The following CNOT2 variants were observed in gnomAD, a reference collection of about 807,000 sequenced individuals.
CNOT2 encodes the protein CC chemokine receptor 4-negative regulator of transcription 2.
In CNOT2, 7 loss-of-function variants were observed where a neutral mutation model predicts 72.1. The ratio of observed to expected loss-of-function variants is 0.10; its 90% confidence interval spans 0.06 to 0.18. The LOEUF (loss-of-function observed/expected upper bound fraction) is 0.18. CNOT2 is among the 10% of genes least tolerant of loss of function. CNOT2 has a pLI of 1.00. For synonymous variants in CNOT2, 196 were observed against 225.6 expected (o/e 0.87, Z 1.17); for missense variants, 345 against 660.3 (o/e 0.52, Z 5.23).
chr12:70,258,043 T>G (rs1958546240), intron 1 of CNOT2, among the ~76,000 whole-genome samples: 1 of 152,184 alleles, frequency 6.6e-6, no homozygotes, highest in African/African-American at 2.4e-5. Flanking sequence ...AAACTTGTAT[T>G]TTTTGGCTTT....
chr12:70,316,356 T>A (rs1157760422), intron 3 of CNOT2, among the ~76,000 whole-genome samples: 4 of 152,210 alleles, frequency 2.6e-5, no homozygotes, highest in Non-Finnish European at 5.9e-5. Flanking sequence ...ATATTTCTTG[T>A]GCATTTTCTA....
chr12:70,338,876 G>T (rs1881061695), intron 11 of CNOT2, 54 bp downstream of exon 11: 1 of 1,427,034 alleles, frequency 7.0e-7, no homozygotes. Flanking sequence ...CAGACTTCCA[G>T]TTTTTAATAT....
chr12:70,255,073 A>C (rs12299412), intron 1 of CNOT2, among the ~76,000 whole-genome samples: 2,029 of 152,148 alleles, frequency 0.013, 45 homozygotes, highest in African/African-American at 0.046. Flanking sequence ...GGAGTGGTAA[A>C]AAAAGATTCT....
At chr12:70,338,955 T>C (rs1287228712) in intron 11 of CNOT2, 133 bp downstream of exon 11, 18 of 740,956 alleles carry the variant, frequency 2.4e-5, no homozygotes, top group Non-Finnish European at 3.7e-5. Context: ...TCATTCCCAT[T>C]CATGTTAGCT....
In CNOT2 at chr12:70,335,439, C is replaced by A; in HGVS notation, c.651C>A (p.Asp217Glu). ...SLSSNIFNGT[D>E]GSENVTGLDL... ...CCAGTGTCCTTTCTTATTATTTAGA[C>A]GGAAGTGAAAATGTGACAGGATTGG... The change falls in exon 8 of 16, where the codon GAC becomes GAA. Residue 217 changes from aspartate (D) to glutamate (E), a missense_variant and splice_region_variant. Coordinates refer to ENST00000229195, the MANE Select transcript of CNOT2 (RefSeq NM_014515.7). The A allele has an allele frequency of 6.3e-7, 1 of 1,596,096 alleles. No homozygotes were observed. Among genetic ancestry groups the A allele is most frequent in the Non-Finnish European group, 8.6e-7 (1 of 1,164,382 alleles).
intron 1 of CNOT2, among the ~76,000 whole-genome samples, chr12:70,247,416 A>G (rs1251369849): frequency 6.6e-6 from 1 of 152,038 alleles, no homozygotes; most frequent in Non-Finnish European, 1.5e-5. Flanking sequence ...TCACCCTCCC[A>G]AAGTGCTGGG....
At chr12:70,306,503 G>T (rs777868720) in intron 2 of CNOT2, among the ~76,000 whole-genome samples, 5 of 152,064 alleles carry the variant, frequency 3.3e-5, no homozygotes, top group Non-Finnish European at 5.9e-5. Flanking sequence ...TGAAATCAAA[G>T]GAAAGATTAA....
intron 1 of CNOT2, among the ~76,000 whole-genome samples, chr12:70,261,396 C>T (rs1173922638): frequency 7.2e-6 from 1 of 138,944 alleles, no homozygotes; most frequent in Non-Finnish European, 1.5e-5. Context: ...CTCACTGCAA[C>T]CTCCACCTCC....
At chr12:70,294,138 C>T (rs1419449226) in intron 2 of CNOT2, 1 of 1,289,196 alleles carries the variant, frequency 7.8e-7, no homozygotes, top group South Asian at 1.2e-5. Context: ...AGTTGAACTT[C>T]AGAGCTATGG....
chr12:70,353,967 C>T lies in CNOT2; in HGVS notation c.*52C>T. 6.6e-7 allele frequency: 1 copy of T among 1,512,790 alleles called. No individual in the cohort carries two copies. The highest frequency in any genetic ancestry group is 8.8e-7 in the Non-Finnish European group (1 of 1,131,958). 93.7% of individuals were successfully genotyped at this position (1,512,790 alleles called of 1,614,324 possible). On this transcript the variant is annotated 3_prime_UTR_variant, in exon 16 of 16. Transcript: ENST00000229195. ...TTCCCTTTTCTTGGGGTATGGCTGT[C>T]TCAGCACAATACTCAACATAACTGC...
chr12:70,320,274 C>T (rs1215123693), intron 4 of CNOT2, among the ~76,000 whole-genome samples: 1 of 151,688 alleles, frequency 6.6e-6, no homozygotes, highest in African/African-American at 2.4e-5. Context: ...TGATTTGGAA[C>T]TCTCCCAGTA....
intron 1 of CNOT2, among the ~76,000 whole-genome samples, chr12:70,254,566 G>C (rs990809588): frequency 6.6e-6 from 1 of 152,152 alleles, no homozygotes; most frequent in Non-Finnish European, 1.5e-5. Context: ...AAGAAACCGC[G>C]GATAAGGGGA....
intron 1 of CNOT2, among the ~76,000 whole-genome samples, chr12:70,261,904 C>G (rs778849538): frequency 9.3e-5 from 14 of 150,346 alleles, no homozygotes; most frequent in Admixed American, 4.0e-4. Flanking sequence ...CAGGTTTATT[C>G]AGATTGTCTG....
At chr12:70,319,251 C>G in intron 3 of CNOT2, 47 bp from the exon 4 acceptor site, 1 of 1,525,172 alleles carries the variant, frequency 6.6e-7, no homozygotes, top group Non-Finnish European at 9.1e-7. Flanking sequence ...AAATGCAATG[C>G]TCTGCTCTGT....
At chr12:70,292,085 A>G (rs1200706784) in intron 2 of CNOT2, among the ~76,000 whole-genome samples, 1 of 152,204 alleles carries the variant, frequency 6.6e-6, no homozygotes, top group Non-Finnish European at 1.5e-5. Context: ...TTAAAAAGAG[A>G]AAACTAGTAG....
intron 4 of CNOT2, among the ~76,000 whole-genome samples, chr12:70,328,272 T>TAATA (rs1879392450): frequency 6.6e-6 from 1 of 151,930 alleles, no homozygotes; most frequent in African/African-American, 2.4e-5. Flanking sequence ...TAACCACTCC[T>TAATA]ATCCCTAGGT....
chr12:70,265,948 T>C (rs1959016225), intron 1 of CNOT2, among the ~76,000 whole-genome samples: 1 of 152,018 alleles, frequency 6.6e-6, no homozygotes, highest in Admixed American at 6.5e-5. Context: ...CATGTCACTT[T>C]TTAGTGTAAT....
At chr12:70,293,914 CTTTTTTTTTTTTTTTT>C (rs34038348) in intron 2 of CNOT2, among the ~76,000 whole-genome samples, 1 of 71,342 alleles carries the variant, frequency 1.4e-5, no homozygotes, top group Admixed American at 1.7e-4. Flanking sequence ...GTGAGCACTG[CTTTTTTTTTTTTTTTT>C]TTTTTTTTTT....
intron 4 of CNOT2, among the ~76,000 whole-genome samples, chr12:70,320,134 G>A (rs528441404): frequency 2.4e-4 from 36 of 151,616 alleles, no homozygotes; most frequent in Admixed American, 9.9e-4. Context: ...TTCTGTTAAT[G>A]TAATCTCTGT....
Sources: gnomAD v4.1 joint callset for allele counts (sites outside exome capture counted in the v4.1 genomes callset) on GRCh38, gnomAD v4.1.1 for gene constraint, MANE v1.5 for transcripts, NCBI Gene and HGNC (gene_info 2026-07-23, HGNC 2026-07-21) for gene names.